HELZ: variants seen among roughly 807,000 people sequenced by gnomAD.
HELZ encodes the protein ATP-dependent RNA helicase with zinc finger domain.
In HELZ, 23 loss-of-function variants were observed where a neutral mutation model predicts 218.2. That is an observed-to-expected ratio of 0.11 (90% CI 0.08 to 0.15). The LOEUF (loss-of-function observed/expected upper bound fraction) is 0.15, where lower values mean the gene tolerates loss of function less well. Among genes scored for constraint, HELZ ranks in the 10% least tolerant of loss-of-function variants. HELZ has a pLI of 1.00. For missense variants in HELZ, 1,813 were observed against 2,353.7 expected, an observed-to-expected ratio of 0.77 and a Z score of 4.75; for synonymous variants, 814 against 829.4, an observed-to-expected ratio of 0.98 and a Z score of 0.32.
In HELZ at chr17:67,188,675, TG is replaced by T; in HGVS notation, c.865-60del. On this transcript the variant is annotated intron_variant, in intron 11 of 32. Transcript: ENST00000358691. The surrounding 1 kb of genome is among the most constrained non-coding windows in gnomAD (Gnocchi z 4.1). The stretch of plus-strand genomic sequence containing the variant: ...AGGGGGTGAAAAATCCAATTGTAAT[TG>T]GGCTCTTCAATGAAAATATTTCCAT... 1 of 1,360,008 alleles carries T rather than the reference TG, an allele frequency of 7.4e-7. No individual in the cohort carries two copies. The highest frequency in any genetic ancestry group is 1.0e-6 in the Non-Finnish European group (1 of 980,312). 84.2% of individuals were successfully genotyped at this position (1,360,008 alleles called of 1,614,324 possible). A position where few individuals can be genotyped will look rare whatever the true frequency, so the allele number is the denominator to read the frequency against.
intron 31 of HELZ, among the ~76,000 whole-genome samples, chr17:67,101,135 TAGA>T (rs1468735094): frequency 1.6e-5 from 2 of 121,834 alleles, no homozygotes; most frequent in Middle Eastern, 4.3e-3. Context: ...AAAGGAAAAA[TAGA>T]AGAAGAGAGA....
At chr17:67,243,055 T>C (rs781518263) in intron 2 of HELZ, among the ~76,000 whole-genome samples, 23 of 152,140 alleles carry the variant, frequency 1.5e-4, no homozygotes, top group Non-Finnish European at 3.2e-4. Flanking sequence ...AATGTAAAAG[T>C]AGCAAACTTC....
chr17:67,131,285 T>A (rs2037974911), intron 23 of HELZ, among the ~76,000 whole-genome samples: 1 of 152,212 alleles, frequency 6.6e-6, no homozygotes, highest in African/African-American at 2.4e-5. Context: ...AGCTACTTTT[T>A]AAAACTCCAT....
chr17:67,171,957 G>A (rs113732765), intron 13 of HELZ, among the ~76,000 whole-genome samples: 5,364 of 151,504 alleles, frequency 0.035, 317 homozygotes, highest in African/African-American at 0.12. Flanking sequence ...TCAGCCTCCC[G>A]AGTAGCTGGG....
chr17:67,094,333 A>AAGAGAGAGAGAG (rs1555597034), intron 31 of HELZ, among the ~76,000 whole-genome samples: 3 of 146,564 alleles, frequency 2.0e-5, no homozygotes, highest in African/African-American at 5.3e-5. Flanking sequence ...AAAAAAAAAA[A>AAGAGAGAGAGAG]AGAGAGAGAG....
At chr17:67,178,515 A>G (rs571117430) in intron 13 of HELZ, 144 bp downstream of exon 13, 8 of 677,064 alleles carry the variant, frequency 1.2e-5, no homozygotes, top group Non-Finnish European at 2.0e-5. Flanking sequence ...TAAGAAGCTC[A>G]TATTTCCTTT....
intron 25 of HELZ, among the ~76,000 whole-genome samples, chr17:67,123,582 T>C (rs2037686312): frequency 6.6e-6 from 1 of 152,182 alleles, no homozygotes; most frequent in African/African-American, 2.4e-5. Context: ...GACTATGCAA[T>C]ATTTAAAATA....
intron 3 of HELZ, among the ~76,000 whole-genome samples, chr17:67,229,355 C>A (rs182799049): frequency 6.6e-6 from 1 of 152,232 alleles, no homozygotes; most frequent in East Asian, 1.9e-4. Context: ...TCTCTCTGGA[C>A]CTAAATCCTA....
chr17:67,196,835 C>A (rs2040044498), intron 7 of HELZ, among the ~76,000 whole-genome samples: 1 of 152,150 alleles, frequency 6.6e-6, no homozygotes, highest in African/African-American at 2.4e-5. Context: ...TTTTCAAAGC[C>A]ATCTTGAACT....
At chr17:67,191,880 T>C (rs532752102) in intron 9 of HELZ, among the ~76,000 whole-genome samples, 152 of 151,950 alleles carry the variant, frequency 1.0e-3, no homozygotes, top group African/African-American at 3.6e-3. Flanking sequence ...ATAAAAGATC[T>C]TCTGAGAAAA....
At chr17:67,094,333 A>AGAGAGAGAGAGAGAGAG (rs1555597035) in intron 31 of HELZ, among the ~76,000 whole-genome samples, 25 of 146,630 alleles carry the variant, frequency 1.7e-4, no homozygotes, top group African/African-American at 6.3e-4. Flanking sequence ...AAAAAAAAAA[A>AGAGAGAGAGAGAGAGAG]AGAGAGAGAG....
At chr17:67,174,104 T>C (rs1435010480) in intron 13 of HELZ, among the ~76,000 whole-genome samples, 1 of 151,448 alleles carries the variant, frequency 6.6e-6, no homozygotes, top group Admixed American at 6.6e-5. Context: ...CTAAAACTTA[T>C]ATGAAATATA....
Position 67,148,579 on chromosome 17 carries a change from C to T in HELZ, c.2611G>A (p.Ala871Thr), listed in dbSNP as rs773387181. 1 of 1,612,726 alleles carries T rather than the reference C, an allele frequency of 6.2e-7. No individual in the cohort carries two copies. Among genetic ancestry groups the T allele is most frequent in the Non-Finnish European group, 8.5e-7 (1 of 1,179,450 alleles). ...GCAGTTCACACCTACTTGATGATAG[C>T]TTCATGGGAGCGGTAGTTCTCACAC... ...LLCENYRSHE[A>T]IINYTSELFY... is the part of the protein sequence containing the mutation. Residue 871 changes from alanine to threonine, a missense_variant, in exon 20 of 33, where the codon GCT (alanine) becomes ACT (threonine). Coordinates refer to ENST00000358691, the MANE Select transcript of HELZ (RefSeq NM_014877.4).
chr17:67,243,262 A>G (rs905081679), intron 2 of HELZ, among the ~76,000 whole-genome samples: 4 of 152,240 alleles, frequency 2.6e-5, no homozygotes, highest in Non-Finnish European at 5.9e-5. Context: ...TTATTTCAAA[A>G]TAATTATTAA....
chr17:67,161,452 T>C (rs1160683993), intron 15 of HELZ, among the ~76,000 whole-genome samples: 1 of 152,202 alleles, frequency 6.6e-6, no homozygotes. Flanking sequence ...CTGATATTAA[T>C]TAAGTAGTAG....
At chr17:67,089,668 T>TATAGAGAGAGAG (rs71293575) in intron 31 of HELZ, among the ~76,000 whole-genome samples, 20 of 70,636 alleles carry the variant, frequency 2.8e-4, no homozygotes, top group African/African-American at 1.0e-3. Flanking sequence ...TATATATATA[T>TATAGAGAGAGAG]AGAGAGAGAG....
intron 23 of HELZ, among the ~76,000 whole-genome samples, chr17:67,130,862 T>C (rs772399797): frequency 2.0e-5 from 3 of 152,178 alleles, no homozygotes; most frequent in Non-Finnish European, 4.4e-5. Flanking sequence ...AAAGAATGGA[T>C]TGACTTTTAC....
chr17:67,155,628 G>A (rs576520978), intron 17 of HELZ, among the ~76,000 whole-genome samples: 1 of 152,316 alleles, frequency 6.6e-6, no homozygotes, highest in African/African-American at 2.4e-5. Flanking sequence ...CCTGAGGCCA[G>A]GAGTTCGAGG....
chr17:67,178,465 TAAC>T (rs2039519125), intron 13 of HELZ, among the ~76,000 whole-genome samples, 191 bp downstream of exon 13: 2 of 152,162 alleles, frequency 1.3e-5, no homozygotes, highest in Admixed American at 1.3e-4. Flanking sequence ...ATGTGCTAAA[TAAC>T]AGGGATACCA....
Sources: allele counts gnomAD v4.1 joint callset (sites outside exome capture counted in the v4.1 genomes callset), GRCh38; gene constraint gnomAD v4.1.1; non-coding constraint Gnocchi (gnomAD v3.1); transcripts MANE v1.5; gene names NCBI Gene and HGNC (gene_info 2026-07-23, HGNC 2026-07-21).